DUOXA2: variants seen among roughly 807,000 people sequenced by gnomAD.
DUOXA2 encodes the protein dual oxidase maturation factor 2.
In DUOXA2, 22 loss-of-function variants were observed where a neutral mutation model predicts 27.6. The observed-to-expected ratio is 0.80, with a 90% confidence interval of 0.57 to 1.14. The LOEUF (loss-of-function observed/expected upper bound fraction) is 1.14. Among genes scored for constraint, DUOXA2 ranks in the 50% most tolerant of loss-of-function variants. The pLI is 0.00. For synonymous variants in DUOXA2, 188 were observed against 184.4 expected (o/e 1.02, Z -0.16); for missense variants, 481 against 419.9 (o/e 1.15, Z -1.27).
chr15:45,118,141 G>GACCA lies in DUOXA2; in HGVS notation c.*232_*233insACCA. The GACCA allele has an allele frequency of 1.6e-5, 23 of 1,439,022 alleles. No homozygotes were observed. In the Admixed American group the frequency reaches 1.7e-4, roughly 10 times the overall value. 89.1% of individuals were successfully genotyped at this position (1,439,022 alleles called of 1,614,324 possible). ...CCATTAATTTTCATGGCTTCTCCGC[G>GACCA]CCGGGGTCGCACGTCCTCATGAGCT... On this transcript the variant is annotated 3_prime_UTR_variant, in exon 6 of 6. Coordinates refer to ENST00000323030, the MANE Select transcript of DUOXA2 (RefSeq NM_207581.4).
chr15:45,117,322 T>C lies in DUOXA2; in HGVS notation c.769+17T>C, dbSNP rs751381669. The C allele has an allele frequency of 3.2e-5, 51 of 1,576,362 alleles. No homozygotes were observed. Among genetic ancestry groups the C allele is most frequent in the Non-Finnish European group, 4.1e-5 (48 of 1,158,528 alleles). On this transcript the variant is annotated intron_variant, in intron 5 of 5. Transcript: ENST00000323030. ...TGGCAACCGGTGAGGACCGAGAGAATGGGCCCCGGGGGCTAAGGGTGGAGA... is the reference window on the plus strand; with the variant it reads ...TGGCAACCGGTGAGGACCGAGAGAACGGGCCCCGGGGGCTAAGGGTGGAGA...
rs1894679633 is a variant in DUOXA2, at chr15:45,117,086, G to A, written c.555-5G>A. 1.9e-6 allele frequency: 3 copies of A among 1,598,096 alleles called. No homozygotes were observed. In the South Asian group the frequency reaches 3.3e-5, roughly 18 times the overall value. ...CTCACAGCGGGTCCCCCCACTCCCCGGCAGGGTGGCGTTCTGCTTCTGGCT... is the reference window on the plus strand; with the variant it reads ...CTCACAGCGGGTCCCCCCACTCCCCAGCAGGGTGGCGTTCTGCTTCTGGCT... On this transcript the variant is annotated splice_region_variant and splice_polypyrimidine_tract_variant and intron_variant, in intron 4 of 5. Transcript: ENST00000323030.
chr15:45,117,433 A>T, intron 5 of DUOXA2, 128 bp downstream of exon 5: 1 of 1,527,146 alleles, frequency 6.5e-7, no homozygotes, highest in Non-Finnish European at 8.8e-7. Context: ...TAGTTCGCAG[A>T]AACAGGCACT....
chr15:45,116,956 G>C (rs1282944652), intron 4 of DUOXA2, 135 bp from the exon 5 acceptor site: 4 of 1,181,200 alleles, frequency 3.4e-6, no homozygotes, highest in Admixed American at 4.2e-5. Flanking sequence ...TTCTCCCCCG[G>C]GGAATTCCCC....
At chr15:45,116,946 T>C (rs1356190257) in intron 4 of DUOXA2, 145 bp from the exon 5 acceptor site, 10 of 1,134,748 alleles carry the variant, frequency 8.8e-6, no homozygotes, top group Non-Finnish European at 1.3e-5. Context: ...AGGAGCCCGC[T>C]TCTCCCCCGG....
chr15:45,116,542 A>G lies in DUOXA2; in HGVS notation c.367A>G (p.Thr123Ala). 1 of 1,613,912 alleles carries G rather than the reference A, an allele frequency of 6.2e-7. No homozygotes were observed. Among genetic ancestry groups the G allele is most frequent in the Non-Finnish European group, 8.5e-7 (1 of 1,180,020 alleles). ...TGTPVHQLNE[T>A]IDYNEQFTWR... The stretch of plus-strand genomic sequence containing the variant: ...GACCCCAGTGCATCAGCTGAACGAG[A>G]CCATTGACTACAACGAGCAGTTCAC... Residue 123 changes from threonine (T) to alanine (A), a missense_variant, in exon 4 of 6, where the codon ACC (threonine) becomes GCC (alanine). Thr to Ala is a moderately conservative substitution (Grantham distance 58). Coordinates refer to ENST00000323030, the MANE Select transcript of DUOXA2 (RefSeq NM_207581.4).
rs1595534133 is a variant in DUOXA2 at position 45,116,601 on chromosome 15, C to A, written c.426C>A (p.Tyr142Ter). The change falls in exon 4 of 6, where the codon TAC becomes TAA. Residue 142 changes from tyrosine to a stop codon, truncating the protein, a stop_gained. Coordinates refer to ENST00000323030, the MANE Select transcript of DUOXA2 (RefSeq NM_207581.4). LOFTEE classifies it high-confidence loss of function. ...TGAAAGAGAATTACGCCGCGGAGTA[C>A]GCGAACGCACTGGAGAAGGGGCTGC... ...WRLKENYAAE[Y>*]ANALEKGLPD... The A allele has an allele frequency of 1.9e-6, 3 of 1,614,026 alleles. No homozygotes were observed. Among genetic ancestry groups the A allele is most frequent in the East Asian group, 2.2e-5 (1 of 44,878 alleles).
chr15:45,115,060 C>T (rs1291800370), intron 1 of DUOXA2, among the ~76,000 whole-genome samples: 2 of 152,160 alleles, frequency 1.3e-5, no homozygotes, highest in Non-Finnish European at 2.9e-5. Flanking sequence ...GGCCTCCCAC[C>T]TCTCCCAGGA....
intron 3 of DUOXA2, 98 bp downstream of exon 3, chr15:45,116,356 C>T: frequency 1.9e-6 from 3 of 1,581,724 alleles, no homozygotes; most frequent in Non-Finnish European, 2.6e-6. Context: ...ATCCCACAAG[C>T]TCAAATAGCT....
At chr15:45,117,593 G>A in intron 5 of DUOXA2, 123 bp from the exon 6 acceptor site, 1 of 1,612,472 alleles carries the variant, frequency 6.2e-7, no homozygotes, top group Non-Finnish European at 8.5e-7. Flanking sequence ...CATCACGCCT[G>A]TAATCCCAGC....
At position 45,114,648 on chromosome 15, in the gene DUOXA2, C is replaced by G. The variant is rs779128202; in HGVS notation, c.43C>G (p.Arg15Gly). 9.9e-6 allele frequency: 16 copies of G among 1,614,090 alleles called. No individual in the cohort carries two copies. Among genetic ancestry groups the G allele is most frequent in the African/African-American group, 2.7e-5 (2 of 74,940 alleles). The change falls in exon 1 of 6, where the codon CGG becomes GGG. Residue 15 changes from arginine to glycine, a missense_variant. Arg to Gly is a moderately radical substitution (Grantham distance 125). Transcript: ENST00000323030. The stretch of plus-strand genomic sequence containing the variant: ...CGTACTGCCTTTTTACCCCCAGCCC[C>G]GGCATGCCGCAGGCTTCAGCGTTCC... ...NGVLPFYPQP[R>G]HAAGFSVPLL... is the part of the protein sequence containing the mutation.
chr15:45,116,886 A>C (rs765074666), intron 4 of DUOXA2, 157 bp downstream of exon 4: 56 of 1,078,938 alleles, frequency 5.2e-5, no homozygotes, highest in Non-Finnish European at 7.1e-5. Context: ...AAGATCCACG[A>C]GATCTGCACA....
At chr15:45,117,031 T>A in intron 4 of DUOXA2, 60 bp from the exon 5 acceptor site, 1 of 1,560,208 alleles carries the variant, frequency 6.4e-7, no homozygotes, top group South Asian at 1.1e-5. Flanking sequence ...AGCGCAGCTG[T>A]GGGAACCCCG....
intron 4 of DUOXA2, 21 bp downstream of exon 4, chr15:45,116,750 T>G (rs1287193608): frequency 2.5e-6 from 4 of 1,608,976 alleles, no homozygotes. Flanking sequence ...GAGGGAAGGC[T>G]GTGTGCACGT....
At chr15:45,116,475 TCCGA>T (rs766454245) in intron 3 of DUOXA2, 37 bp from the exon 4 acceptor site, 1 of 1,610,276 alleles carries the variant, frequency 6.2e-7, no homozygotes, top group Non-Finnish European at 8.5e-7. Flanking sequence ...TTGCGAGGTC[TCCGA>T]CCGCGGGCAG....
chr15:45,115,929 T>C lies in DUOXA2; in HGVS notation c.205+73T>C, dbSNP rs1396199637. ...GGTGGGCAGAGGGCACCTGGGACAA[T>C]AGGGAACTGGGGTTGGTTTTCTGCT... On this transcript the variant is annotated intron_variant, in intron 2 of 5. Transcript: ENST00000323030. 260 of 1,608,192 alleles carry C rather than the reference T, an allele frequency of 1.6e-4. 1 individual carries two copies. The highest frequency in any genetic ancestry group is 1.6e-4 in the East Asian group (7 of 44,834).
At chr15:45,115,289 G>A (rs1005352741) in intron 1 of DUOXA2, 2 of 371,482 alleles carry the variant, frequency 5.4e-6, no homozygotes, top group African/African-American at 4.2e-5. Flanking sequence ...CCTAGGTTGT[G>A]CATTTTTCAG....
Position 45,115,817 on chromosome 15 carries a change from A to G in DUOXA2, c.166A>G (p.Arg56Gly), listed in dbSNP as rs774656918. ...RGHSRWFWLV[R>G]VLLSLFIGAE... The stretch of plus-strand genomic sequence containing the variant: ...CCTGCAGCGCTGGTTTTGGTTGGTG[A>G]GAGTTCTTCTCAGTCTGTTCATAGG... Residue 56 changes from arginine (R) to glycine (G), a missense_variant, in exon 2 of 6, where the codon AGA becomes GGA. Physicochemically the swap from Arg to Gly is moderately radical, Grantham distance 125 (BLOSUM62 -2). Transcript: ENST00000323030. 58 of 1,613,818 alleles carry G rather than the reference A, an allele frequency of 3.6e-5. No homozygotes were observed. Among genetic ancestry groups the G allele is most frequent in the Non-Finnish European group, 4.7e-5 (55 of 1,179,998 alleles).
At chr15:45,116,919 G>C (rs1051100122) in intron 4 of DUOXA2, 172 bp from the exon 5 acceptor site, 3 of 1,052,240 alleles carry the variant, frequency 2.9e-6, no homozygotes, top group Non-Finnish European at 4.2e-6. Flanking sequence ...AGAGACTCCA[G>C]CCACCGCCTG....
Sources: allele counts gnomAD v4.1 joint callset (sites outside exome capture counted in the v4.1 genomes callset), GRCh38; gene constraint gnomAD v4.1.1; transcripts MANE v1.5; gene names NCBI Gene and HGNC (gene_info 2026-07-23, HGNC 2026-07-21).